The following HCFC1 variants were observed in gnomAD, a reference collection of about 807,000 sequenced individuals.
HCFC1 encodes the protein host cell factor C1, also known as host cell factor 1.
A neutral mutation model predicts 105.5 loss-of-function variants in HCFC1; 7 were observed. The ratio of observed to expected loss-of-function variants is 0.07; its 90% confidence interval spans 0.04 to 0.12. The LOEUF (loss-of-function observed/expected upper bound fraction) is 0.12, where lower values mean the gene tolerates loss of function less well. HCFC1 is among the 10% of genes least tolerant of loss of function. The pLI is 1.00. For synonymous variants in HCFC1, 918 were observed against 828.1 expected, an observed-to-expected ratio of 1.11 and a Z score of -1.86; for missense variants, 1,065 against 1,823.6, an observed-to-expected ratio of 0.58 and a Z score of 7.58.
intron 24 of HCFC1, 33 bp from the exon 25 acceptor site, chrX:153,949,649 T>C (rs372228122): frequency 1.7e-4 from 195 of 1,149,174 alleles, no homozygotes; most frequent in Middle Eastern, 2.4e-4. Context: ...GTGAGCAGCA[T>C]TGTGACAGAA....
rs988251766 is a variant in HCFC1 at position 153,968,962 on chromosome X, C to T, written c.193+1686G>A. On this transcript the variant is annotated intron_variant, in intron 1 of 25. Coordinates refer to ENST00000310441, the MANE Select transcript of HCFC1 (RefSeq NM_005334.3). ...GGCACCACCAACCACCAAGCGCCCC[C>T]GCCCGGGGGCTGCTGAGAAAGGCCC... Among the ~76,000 whole-genome samples, 12 of 112,137 alleles carry T rather than the reference C, an allele frequency of 1.1e-4. No homozygotes were observed. In the South Asian group the frequency reaches 3.7e-3, roughly 34 times the overall value.
chrX:153,953,791 C>T (rs3027879), intron 17 of HCFC1, 21 bp from the exon 18 acceptor site: 7 of 1,184,058 alleles, frequency 5.9e-6, no homozygotes, highest in Admixed American at 2.3e-5. Flanking sequence ...GACAGGCAGG[C>T]GGCTGCTCAG....
intron 19 of HCFC1, 144 bp from the exon 20 acceptor site, chrX:153,952,302 CCCTG>C: frequency 9.8e-7 from 1 of 1,022,783 alleles, no homozygotes. Flanking sequence ...GGCCGAGGGG[CCCTG>C]CCTGTTTCCC....
chrX:153,961,884 G>T (rs1231551367), intron 5 of HCFC1, among the ~76,000 whole-genome samples: 1 of 111,992 alleles, frequency 8.9e-6, no homozygotes, highest in Non-Finnish European at 1.9e-5. Flanking sequence ...TCACCTTCAT[G>T]TCCACAGTTT....
In HCFC1 at chrX:153,956,969, G is replaced by A; in HGVS notation, c.2445C>T (p.Ile815=). ...TSGTGAPAKI[I]TAVPKIATGH... ...CAGTGGCAATTTTGGGGACAGCAGTGATGATTTTCGCAGGTGCTCCAGTTC... is the reference window on the plus strand; with the variant it reads ...CAGTGGCAATTTTGGGGACAGCAGTAATGATTTTCGCAGGTGCTCCAGTTC... Residue 815 remains isoleucine, a synonymous_variant, in exon 14 of 26, where the codon ATC becomes ATT. Coordinates refer to ENST00000310441, the MANE Select transcript of HCFC1 (RefSeq NM_005334.3). 1.7e-6 allele frequency: 2 copies of A among 1,210,821 alleles called. No homozygotes were observed. Among genetic ancestry groups the A allele is most frequent in the Non-Finnish European group, 2.2e-6 (2 of 895,287 alleles).
rs182928016 is a variant in HCFC1, at chrX:153,962,439, C to T, written c.713-133G>A. ...CCATCCCTGGCTTCCCTATAGCCTA[C>T]GGCAGGCCCTCTGACTGTTGTCATG... is the stretch of plus-strand genomic sequence containing the variant. On this transcript the variant is annotated intron_variant, in intron 4 of 25. Coordinates refer to ENST00000310441, the MANE Select transcript of HCFC1 (RefSeq NM_005334.3). 475 of 474,382 alleles carry T rather than the reference C, an allele frequency of 1.0e-3. 1 individual carries two copies. The highest frequency in any genetic ancestry group is 1.1e-3 in the Non-Finnish European group (305 of 271,411). 39.1% of individuals were successfully genotyped at this position (474,382 alleles called of 1,213,427 possible).
chrX:153,956,618 T>C lies in HCFC1; in HGVS notation c.2635+7A>G. The C allele has an allele frequency of 8.3e-7, 1 of 1,211,410 alleles. No homozygotes were observed. ...GGTGGCAGGGGACCTGGCCTATGGG[T>C]ACACACCTGTGGTGCCTTTCACAAC... On this transcript the variant is annotated splice_region_variant and intron_variant, in intron 15 of 25. Coordinates refer to ENST00000310441, the MANE Select transcript of HCFC1 (RefSeq NM_005334.3).
intron 4 of HCFC1, 73 bp downstream of exon 4, chrX:153,963,152 G>A (rs1208734461): frequency 1.8e-5 from 14 of 790,768 alleles, no homozygotes; most frequent in Middle Eastern, 4.3e-4. Context: ...ATACAACAGC[G>A]CCACCCACGG....
intron 8 of HCFC1, 87 bp downstream of exon 8, chrX:153,959,715 G>T: frequency 9.1e-7 from 1 of 1,094,077 alleles, no homozygotes; most frequent in East Asian, 3.0e-5. Context: ...TGCTGTCTAG[G>T]CTGCCGTCTC....
intron 1 of HCFC1, among the ~76,000 whole-genome samples, chrX:153,966,806 C>G (rs1468638624): frequency 8.9e-6 from 1 of 112,689 alleles, no homozygotes; most frequent in African/African-American, 3.2e-5. Flanking sequence ...CCTGAGCACC[C>G]TCGTGGTCAA....
At position 153,949,397 on chromosome X, in the gene HCFC1, AG is replaced by A. The variant is rs1603293828; in HGVS notation, c.6069-12del. 8.3e-7 allele frequency: 1 copy of A among 1,204,014 alleles called. No individual in the cohort carries two copies. The highest frequency in any genetic ancestry group is 1.7e-5 in the African/African-American group (1 of 57,479). On this transcript the variant is annotated splice_polypyrimidine_tract_variant and intron_variant, in intron 25 of 25. Transcript: ENST00000310441. ...TTTGGAGCAGATTTCCTTGGAAGGC[AG>A]AAAAAGGAAAGAGAAAGTTAGTGTG...
In HCFC1 at chrX:153,971,560, A is replaced by T; in HGVS notation, c.-720T>A. 3.4e-6 allele frequency: 1 copy of T among 293,546 alleles called. No homozygotes were observed. The highest frequency in any genetic ancestry group is 5.9e-6 in the Non-Finnish European group (1 of 168,430). 24.2% of individuals were successfully genotyped at this position (293,546 alleles called of 1,213,427 possible). On this transcript the variant is annotated 5_prime_UTR_variant, in exon 1 of 26. The change abolishes the stop of an existing upstream ORF in the 5' untranslated region. Transcript: ENST00000310441. ...TCCCCTTAGTCCGCCTCTGCTGCTCAGGCTGCGCCTGCCGCCGTGGGAGCC... is the reference window on the plus strand; with the variant it reads ...TCCCCTTAGTCCGCCTCTGCTGCTCTGGCTGCGCCTGCCGCCGTGGGAGCC...
Position 153,954,508 on chromosome X carries a change from G to A in HCFC1, c.3891C>T (p.His1297=), listed in dbSNP as rs368228709. ...TGGCGGTGTTGGTGGTGCCTGTCTCGTGGGTCTCACATGGTGGGTTGGAGC... is the reference window on the plus strand; with the variant it reads ...TGGCGGTGTTGGTGGTGCCTGTCTCATGGGTCTCACATGGTGGGTTGGAGC... The part of the protein sequence containing the change: ...QVCSNPPCET[H]ETGTTNTATT... Residue 1297 remains histidine (H), a synonymous_variant, in exon 17 of 26, where the codon CAC becomes CAT. Transcript: ENST00000310441. 27 of 1,210,200 alleles carry A rather than the reference G, an allele frequency of 2.2e-5. No individual in the cohort carries two copies. The highest frequency in any genetic ancestry group is 2.9e-5 in the Non-Finnish European group (26 of 894,919).
intron 18 of HCFC1, 127 bp downstream of exon 18, chrX:153,953,480 A>G (rs2065335379): frequency 1.5e-6 from 1 of 672,747 alleles, no homozygotes; most frequent in Non-Finnish European, 2.2e-6. Flanking sequence ...CTGCCCTTTT[A>G]TGGTCCGGAA....
At chrX:153,956,524 G>A in intron 15 of HCFC1, 101 bp downstream of exon 15, 1 of 1,122,914 alleles carries the variant, frequency 8.9e-7, no homozygotes, top group Non-Finnish European at 1.2e-6. Flanking sequence ...GCTCGGGAGA[G>A]AGGAGCTGCT....
In HCFC1 at chrX:153,970,922, C is replaced by A. The variant is rs2065526714; in HGVS notation, c.-82G>T. The A allele has an allele frequency of 1.2e-6, 1 of 847,174 alleles. No homozygotes were observed. The highest frequency in any genetic ancestry group is 1.6e-6 in the Non-Finnish European group (1 of 616,929). 69.8% of individuals were successfully genotyped at this position (847,174 alleles called of 1,213,427 possible). On this transcript the variant is annotated 5_prime_UTR_variant, in exon 1 of 26. Transcript: ENST00000310441. ...ATTCCTTTCACACACCCCCTTTCGTCTAAGGCAGCTCTCACGGAGAAGCGG... is the reference window on the plus strand; with the variant it reads ...ATTCCTTTCACACACCCCCTTTCGTATAAGGCAGCTCTCACGGAGAAGCGG...
chrX:153,948,891 G>C lies in HCFC1; in HGVS notation c.*456C>G. The C allele has an allele frequency of 8.8e-6, 1 of 113,515 alleles. No homozygotes were observed. The allele number at this position is 113,515 out of a possible 1,213,427, so 9.4% of individuals were successfully genotyped here. On this transcript the variant is annotated 3_prime_UTR_variant, in exon 26 of 26. Transcript: ENST00000310441. ...GGAAGTTAGGTGACTGGAAACACAA[G>C]GGGAAGAAAAGAAAACAGAACCAGA...
Position 153,951,198 on chromosome X carries a change from C to T in HCFC1, c.5517+152G>A, listed in dbSNP as rs183101066. 2.1e-3 allele frequency: 1,447 copies of T among 694,900 alleles called. 1 individual carries two copies. Among genetic ancestry groups the T allele is most frequent in the Non-Finnish European group, 2.6e-3 (1,194 of 456,705 alleles). 57.3% of individuals were successfully genotyped at this position (694,900 alleles called of 1,213,427 possible). A position where few individuals can be genotyped will look rare whatever the true frequency, so the allele number is the denominator to read the frequency against. On this transcript the variant is annotated intron_variant, in intron 22 of 25. Coordinates refer to ENST00000310441, the MANE Select transcript of HCFC1 (RefSeq NM_005334.3). Reference sequence around the variant, plus strand: ...AAGGAACCAAAGCTCTCCTTTTCTACTGCTTCAGGGGGGATGGTCTCTGCC... The same window carrying T: ...AAGGAACCAAAGCTCTCCTTTTCTATTGCTTCAGGGGGGATGGTCTCTGCC...
chrX:153,953,936 C>T, intron 17 of HCFC1, 130 bp downstream of exon 17: 1 of 921,242 alleles, frequency 1.1e-6, no homozygotes, highest in Non-Finnish European at 1.5e-6. Flanking sequence ...CCCCAGCTCT[C>T]CCCACTGGTA....
Sources: allele counts gnomAD v4.1 joint callset (sites outside exome capture counted in the v4.1 genomes callset), GRCh38; gene constraint gnomAD v4.1.1; transcripts MANE v1.5; gene names NCBI Gene and HGNC (gene_info 2026-07-23, HGNC 2026-07-21).